Variants in NBPF9 observed in about 807,000 individuals in gnomAD.
NBPF9 encodes the protein NBPF family member NBPF9.
Under a neutral mutation model 97.8 loss-of-function variants are expected in NBPF9, and 91 were observed. The observed-to-expected ratio is 0.93, with a 90% CI of 0.79 to 1.11. The LOEUF (loss-of-function observed/expected upper bound fraction) is 1.11, where lower values mean the gene tolerates loss of function less well. Ranked by LOEUF, NBPF9 falls within the 50% of genes least tolerant of loss-of-function variation. NBPF9 has a pLI of 0.00. For synonymous variants in NBPF9, 334 were observed against 359.5 expected (o/e 0.93, Z 0.80); for missense variants, 992 against 939.5 (o/e 1.06, Z -0.73).
chr1:149,096,117 T>C (rs2081748947), intron 4 of NBPF9, among the ~76,000 whole-genome samples: 1 of 151,750 alleles, frequency 6.6e-6, no homozygotes, highest in South Asian at 2.1e-4. Context: ...GAAACCTACA[T>C]ACTGTAATTC....
intron 14 of NBPF9, among the ~76,000 whole-genome samples, chr1:149,072,423 T>C (rs1481411876): frequency 1.3e-5 from 2 of 152,148 alleles, no homozygotes; most frequent in African/African-American, 2.4e-5. Flanking sequence ...CTTTTCACTC[T>C]AACAAGCCTG....
At chr1:149,097,056 G>A (rs2081815048) in intron 4 of NBPF9, among the ~76,000 whole-genome samples, 1 of 146,616 alleles carries the variant, frequency 6.8e-6, no homozygotes, top group Non-Finnish European at 1.5e-5. Flanking sequence ...AAAGAATGGA[G>A]GGAGGGAAGG....
chr1:149,099,686 A>G (rs1158613972), intron 3 of NBPF9, among the ~76,000 whole-genome samples: 1 of 152,214 alleles, frequency 6.6e-6, no homozygotes, highest in Non-Finnish European at 1.5e-5. Flanking sequence ...AAACATAAAA[A>G]TCATTAAAAC....
chr1:149,059,237 T>A, intron 25 of NBPF9, 140 bp from the exon 26 acceptor site: 1 of 452,146 alleles, frequency 2.2e-6, no homozygotes, highest in Non-Finnish European at 4.1e-6. Context: ...AATTATTGCC[T>A]TTAGGTTGGG....
chr1:149,056,094 A>G (rs1368597660), intron 29 of NBPF9, among the ~76,000 whole-genome samples, 195 bp from the exon 30 acceptor site: 1 of 150,746 alleles, frequency 6.6e-6, no homozygotes, highest in Non-Finnish European at 1.5e-5. Context: ...AAAGAGAAAG[A>G]CAGAGAGAGA....
At chr1:149,055,755 C>T (rs1422819570) in exon 30 of NBPF9, 1 of 1,611,780 alleles carries the variant, frequency 6.2e-7, no homozygotes, top group East Asian at 2.2e-5. Context: ...AGCTGATGTG[C>T]TGTTCCTCAA....
At chr1:149,086,651 T>A (rs1385860429) in intron 5 of NBPF9, among the ~76,000 whole-genome samples, 2 of 152,226 alleles carry the variant, frequency 1.3e-5, no homozygotes, top group Admixed American at 6.5e-5. Context: ...TGTATTTAGA[T>A]GAATGCACAC....
chr1:149,076,345 C>CA (rs1553654309), intron 11 of NBPF9, among the ~76,000 whole-genome samples: 1 of 150,886 alleles, frequency 6.6e-6, no homozygotes. Context: ...TTACAAGGGC[C>CA]AAGTAACATG....
intron 3 of NBPF9, among the ~76,000 whole-genome samples, chr1:149,099,709 C>A (rs868941449): frequency 6.6e-6 from 1 of 152,030 alleles, no homozygotes; most frequent in Non-Finnish European, 1.5e-5. Context: ...AAATGGCCAG[C>A]GGTGATGGCT....
chr1:149,084,376 TATA>T (rs1559539119), intron 5 of NBPF9, among the ~76,000 whole-genome samples: 1 of 147,364 alleles, frequency 6.8e-6, no homozygotes, highest in Non-Finnish European at 1.5e-5. Flanking sequence ...CGTGTGTATA[TATA>T]ATACGTGTAT....
At chr1:149,081,280 C>T (rs2080414349) in intron 7 of NBPF9, among the ~76,000 whole-genome samples, 1 of 152,012 alleles carries the variant, frequency 6.6e-6, no homozygotes, top group African/African-American at 2.4e-5. Flanking sequence ...CCACGACGCC[C>T]ATCTACTTTT....
At chr1:149,079,110 G>A in exon 9 of NBPF9, 2 of 1,272,202 alleles carry the variant, frequency 1.6e-6, no homozygotes, top group South Asian at 1.2e-5. Context: ...CCGGAGTGAG[G>A]AGGGCCTGGA....
At chr1:149,081,384 C>G (rs1251614413) in intron 7 of NBPF9, among the ~76,000 whole-genome samples, 1 of 151,688 alleles carries the variant, frequency 6.6e-6, no homozygotes, top group East Asian at 2.0e-4. Flanking sequence ...TCCCAAAGTG[C>G]TGAGATTACA....
At chr1:149,081,910 A>G in intron 7 of NBPF9, 55 bp downstream of exon 7, 4 of 1,238,326 alleles carry the variant, frequency 3.2e-6, no homozygotes, top group Non-Finnish European at 3.5e-6. Flanking sequence ...AGTGTCTCAG[A>G]GAGAAGACAG....
At chr1:149,077,616 G>T (rs1464713594) in intron 10 of NBPF9, among the ~76,000 whole-genome samples, 197 bp from the exon 11 acceptor site, 12 of 152,228 alleles carry the variant, frequency 7.9e-5, no homozygotes, top group Non-Finnish European at 1.6e-4. Flanking sequence ...CAGAGAGGAA[G>T]AGAGCAGCTG....
rs1553648784 is a variant in NBPF9 at position 149,055,919 on chromosome 1, T to C, written c.3093-20A>G. 1 of 1,611,150 alleles carries C rather than the reference T, an allele frequency of 6.2e-7. No individual in the cohort carries two copies. The highest frequency in any genetic ancestry group is 8.5e-7 in the Non-Finnish European group (1 of 1,179,704). On this transcript the variant is annotated intron_variant, in intron 29 of 29. Transcript: ENST00000584027. ...TTGAGCCTGGAAAAGGAGACAAAAC[T>C]AAAGAAGCAGCCAGGGAAAATCAGA...
At chr1:149,099,254 C>T (rs587642086) in intron 3 of NBPF9, among the ~76,000 whole-genome samples, 1 of 152,230 alleles carries the variant, frequency 6.6e-6, no homozygotes, top group Non-Finnish European at 1.5e-5. Context: ...GGCTATCTCG[C>T]TGAGCTTTCG....
intron 11 of NBPF9, among the ~76,000 whole-genome samples, chr1:149,076,450 G>T (rs1553654362): frequency 2.7e-5 from 4 of 150,714 alleles, no homozygotes; most frequent in African/African-American, 9.7e-5. Flanking sequence ...GCCCACCTCG[G>T]CCTCCCAAAG....
At chr1:149,075,616 C>A (rs1242430011) in intron 12 of NBPF9, 39 bp downstream of exon 12, 5 of 1,546,464 alleles carry the variant, frequency 3.2e-6, no homozygotes, top group Admixed American at 1.7e-5. Flanking sequence ...GACAGGACGT[C>A]GTTCATCACT....
Sources: allele counts gnomAD v4.1 joint callset (sites outside exome capture counted in the v4.1 genomes callset), GRCh38; gene constraint gnomAD v4.1.1; transcripts MANE v1.5; gene names NCBI Gene and HGNC (gene_info 2026-07-23, HGNC 2026-07-21).